ZPLD1: variants seen among roughly 807,000 people sequenced by gnomAD.
ZPLD1 encodes the protein zona pellucida-like domain-containing protein 1.
Under a neutral mutation model 47.2 loss-of-function variants are expected in ZPLD1, and 34 were observed. The ratio of observed to expected loss-of-function variants is 0.72; its 90% CI spans 0.55 to 0.96. The LOEUF (loss-of-function observed/expected upper bound fraction) is 0.96, where lower values mean the gene tolerates loss of function less well. Ranked by LOEUF, ZPLD1 falls within the 40% of genes least tolerant of loss-of-function variation. ZPLD1 has a pLI of 0.00. For missense variants in ZPLD1, 512 were observed against 505.8 expected, an observed-to-expected ratio of 1.01 and a Z score of -0.12; for synonymous variants, 176 against 186.2, an observed-to-expected ratio of 0.95 and a Z score of 0.45.
At chr3:102,386,325 T>C (rs570979516) in intron 6 of ZPLD1, among the ~76,000 whole-genome samples, 1 of 151,748 alleles carries the variant, frequency 6.6e-6, no homozygotes, top group African/African-American at 2.4e-5. Context: ...GTGGCTCTGT[T>C]GTGTAGCCAT....
intron 7 of ZPLD1, among the ~76,000 whole-genome samples, chr3:102,416,791 G>A (rs574512519): frequency 7.9e-5 from 12 of 151,020 alleles, no homozygotes; most frequent in African/African-American, 2.2e-4. Context: ...TTCACTATTC[G>A]TGGGTAGAAT....
intron 8 of ZPLD1, among the ~76,000 whole-genome samples, chr3:102,467,790 C>A: frequency 6.9e-6 from 1 of 145,030 alleles, no homozygotes; most frequent in African/African-American, 2.5e-5. Flanking sequence ...ATACTAGAAG[C>A]CACAAAATAA....
chr3:102,454,086 G>A (rs1707377104), intron 4 of ZPLD1, among the ~76,000 whole-genome samples: 1 of 152,162 alleles, frequency 6.6e-6, no homozygotes, highest in Non-Finnish European at 1.5e-5. Flanking sequence ...TTATTATTTT[G>A]TATTAAGGAG....
chr3:102,477,485 G>A lies in ZPLD1; in HGVS notation c.1115G>A (p.Ser372Asn), dbSNP rs1488536374. ...MPPFQLNAIT[S>N]ALISGMVILG... Reference sequence around the variant, plus strand: ...CCCTTCCAGCTGAACGCCATCACCAGCGCACTGATATCAGGAATGGTCATT... The same window carrying A: ...CCCTTCCAGCTGAACGCCATCACCAACGCACTGATATCAGGAATGGTCATT... Residue 372 changes from serine to asparagine, a missense_variant, in exon 12 of 12, where the codon AGC (serine) becomes AAC (asparagine). Ser to Asn is a conservative substitution (Grantham distance 46). Coordinates refer to ENST00000466937, the MANE Select transcript of ZPLD1 (RefSeq NM_001329788.2). 1 of 1,613,730 alleles carries A rather than the reference G, an allele frequency of 6.2e-7. No individual in the cohort carries two copies. Among genetic ancestry groups the A allele is most frequent in the South Asian group, 1.1e-5 (1 of 91,060 alleles).
At chr3:102,414,689 T>C (rs1017859897) in intron 7 of ZPLD1, among the ~76,000 whole-genome samples, 14 of 151,944 alleles carry the variant, frequency 9.2e-5, no homozygotes, top group Admixed American at 8.5e-4. Flanking sequence ...ATAAATACTG[T>C]ATTCACCATT....
chr3:102,448,291 C>G (rs1707288690), intron 3 of ZPLD1, among the ~76,000 whole-genome samples: 1 of 152,114 alleles, frequency 6.6e-6, no homozygotes, highest in Admixed American at 6.5e-5. Flanking sequence ...CTAAAGATAT[C>G]TACTCATTAG....
chr3:102,438,516 T>G lies in ZPLD1; in HGVS notation c.29T>G (p.Leu10Arg), dbSNP rs1389015839. 6.2e-7 allele frequency: 1 copy of G among 1,613,988 alleles called. No homozygotes were observed. Among genetic ancestry groups the G allele is most frequent in the South Asian group, 1.1e-5 (1 of 91,082 alleles). Residue 10 changes from leucine (L) to arginine (R), a missense_variant, in exon 3 of 12, where the codon CTA becomes CGA. Coordinates refer to ENST00000466937, the MANE Select transcript of ZPLD1 (RefSeq NM_001329788.2). Reference sequence around the variant, plus strand: ...GAACAAATATGGTTGCTGCTGCTTCTAACAATTAGAGTGCTTCCGGGGTCT... The same window carrying G: ...GAACAAATATGGTTGCTGCTGCTTCGAACAATTAGAGTGCTTCCGGGGTCT... Reference protein sequence around the residue: MEQIWLLLLLTIRVLPGSAQ... With the variant: MEQIWLLLLRTIRVLPGSAQ...
chr3:102,419,970 G>C (rs1471873324), intron 8 of ZPLD1, among the ~76,000 whole-genome samples: 1 of 149,850 alleles, frequency 6.7e-6, no homozygotes, highest in African/African-American at 2.5e-5. Context: ...AGCTTGATCT[G>C]GTTTGCTGTG....
intron 3 of ZPLD1, among the ~76,000 whole-genome samples, chr3:102,447,108 C>T (rs1268322728): frequency 6.6e-6 from 1 of 152,150 alleles, no homozygotes; most frequent in Non-Finnish European, 1.5e-5. Context: ...GCTCTGTCGC[C>T]AGGCTGGAGT....
intron 7 of ZPLD1, among the ~76,000 whole-genome samples, chr3:102,407,295 T>A (rs1281980598): frequency 6.7e-6 from 1 of 148,152 alleles, no homozygotes; most frequent in Non-Finnish European, 1.5e-5. Flanking sequence ...TATTCAATAT[T>A]TATATAAAAT....
chr3:102,442,585 T>G (rs1367872134), intron 3 of ZPLD1, among the ~76,000 whole-genome samples: 6 of 152,088 alleles, frequency 3.9e-5, no homozygotes, highest in African/African-American at 1.4e-4. Flanking sequence ...TCTCAGTATC[T>G]CTTCCACATC....
At chr3:102,452,656 G>T (rs1707355425) in intron 3 of ZPLD1, among the ~76,000 whole-genome samples, 2 of 152,106 alleles carry the variant, frequency 1.3e-5, no homozygotes, top group Non-Finnish European at 2.9e-5. Context: ...AACACTTAAT[G>T]TACATCCACT....
Position 102,388,451 on chromosome 3 carries a change from CTG to C in ZPLD1, c.-213+3136_-213+3137del, listed in dbSNP as rs756864508. On this transcript the variant is annotated intron_variant, in intron 6 of 17. Transcript: ENST00000491959. ...GGAGTCTCTCTCTCTCTCTCTCTCT[CTG>C]TCTGTGTGTGTGTGTGTGTGTGTGT... Among the ~76,000 whole-genome samples the C allele has an allele frequency of 8.3e-3, 1,090 of 131,932 alleles. 11 individuals carry two copies. The highest frequency in any genetic ancestry group is 0.025 in the African/African-American group (882 of 35,612). The allele number at this position is 131,932 out of a possible 152,430, so 86.6% of individuals were successfully genotyped here. A position where few individuals can be genotyped will look rare whatever the true frequency, so the allele number is the denominator to read the frequency against.
At position 102,477,060 on chromosome 3, in the gene ZPLD1, T is replaced by G. The variant is rs1198853003; in HGVS notation, c.1072+19T>G. 5 of 1,613,054 alleles carry G rather than the reference T, an allele frequency of 3.1e-6. No homozygotes were observed. Among genetic ancestry groups the G allele is most frequent in the Non-Finnish European group, 4.2e-6 (5 of 1,179,166 alleles). On this transcript the variant is annotated intron_variant, in intron 11 of 11. Transcript: ENST00000466937. ...CAACTTGGTAAGATAATTAACATAT[T>G]TTGCAATGTTTTTTACATTTTTGGT...
chr3:102,420,758 G>A (rs1329185309), intron 8 of ZPLD1, among the ~76,000 whole-genome samples: 1 of 151,658 alleles, frequency 6.6e-6, no homozygotes, highest in African/African-American at 2.4e-5. Context: ...AGATATCCTA[G>A]AACATGAAGA....
At chr3:102,468,553 C>G (rs1707633004) in intron 8 of ZPLD1, among the ~76,000 whole-genome samples, 1 of 152,060 alleles carries the variant, frequency 6.6e-6, no homozygotes, top group African/African-American at 2.4e-5. Context: ...AATATGCTAT[C>G]ATTTGTTTAA....
chr3:102,461,076 T>A (rs972261258), intron 6 of ZPLD1, among the ~76,000 whole-genome samples: 2 of 151,900 alleles, frequency 1.3e-5, no homozygotes, highest in Non-Finnish European at 2.9e-5. Flanking sequence ...TCGTATTAAC[T>A]TTTTTTCCAA....
chr3:102,435,237 A>C (rs1707071139), intron 1 of ZPLD1, 83 bp downstream of exon 1: 4 of 1,482,440 alleles, frequency 2.7e-6, no homozygotes, highest in East Asian at 4.5e-5. Flanking sequence ...GAAGGCTTGA[A>C]AATGTCGTAA....
intron 7 of ZPLD1, among the ~76,000 whole-genome samples, chr3:102,406,934 C>T (rs964259499): frequency 2.0e-5 from 3 of 151,732 alleles, no homozygotes; most frequent in African/African-American, 7.3e-5. Context: ...GAAGTAAGAG[C>T]TCAATATCAA....
Sources: gnomAD v4.1 joint callset for allele counts (sites outside exome capture counted in the v4.1 genomes callset) on GRCh38, gnomAD v4.1.1 for gene constraint, MANE v1.5 for transcripts, NCBI Gene and HGNC (gene_info 2026-07-23, HGNC 2026-07-21) for gene names.